The following SDK2 variants were observed in gnomAD, a reference collection of about 807,000 sequenced individuals.
SDK2 encodes the protein sidekick cell adhesion molecule 2, also known as protein sidekick-2.
In SDK2, 105 loss-of-function variants were observed where a neutral mutation model predicts 253.9. That is an observed-to-expected ratio of 0.41 (90% CI 0.35 to 0.49). The LOEUF (loss-of-function observed/expected upper bound fraction) is 0.49, where lower values mean the gene tolerates loss of function less well. Among genes scored for constraint, SDK2 ranks in the 20% least tolerant of loss-of-function variants. The pLI is 0.06. For missense variants in SDK2, 2,608 were observed against 3,003.0 expected (o/e 0.87, Z 3.07); for synonymous variants, 1,249 against 1,234.9 (o/e 1.01, Z -0.24).
chr17:73,503,525 T>C (rs951298631), intron 2 of SDK2, among the ~76,000 whole-genome samples: 5 of 152,152 alleles, frequency 3.3e-5, no homozygotes, highest in African/African-American at 9.7e-5. Flanking sequence ...TGATGGTACA[T>C]GTATGCAGGT....
intron 12 of SDK2, among the ~76,000 whole-genome samples, chr17:73,427,703 A>C (rs1051239896): frequency 1.3e-5 from 2 of 151,898 alleles, no homozygotes; most frequent in Admixed American, 6.6e-5. Flanking sequence ...AATTAACTCA[A>C]ATTGGATCCC....
intron 39 of SDK2, among the ~76,000 whole-genome samples, chr17:73,360,178 G>T (rs1170878041): frequency 6.6e-6 from 1 of 152,204 alleles, no homozygotes; most frequent in African/African-American, 2.4e-5. Context: ...GAGGCAGCGC[G>T]GGGCGGGGCT....
Position 73,365,415 on chromosome 17 carries a change from G to T in SDK2, c.5168-20C>A. 6.3e-7 allele frequency: 1 copy of T among 1,586,860 alleles called. No individual in the cohort carries two copies. Among genetic ancestry groups the T allele is most frequent in the Non-Finnish European group, 8.6e-7 (1 of 1,168,440 alleles). On this transcript the variant is annotated intron_variant, in intron 37 of 44. Transcript: ENST00000392650. ...TGGGGGCTGCGGGAGACAGCAAAGG[G>T]TTTTTGTTTCCTTCTTCTGTGGAAG...
At chr17:73,390,577 T>C (rs1278017318) in intron 28 of SDK2, 96 bp from the exon 29 acceptor site, 1 of 1,255,934 alleles carries the variant, frequency 8.0e-7, no homozygotes, top group Non-Finnish European at 1.1e-6. Context: ...CAGCTGTGTC[T>C]GTACATGGCC....
intron 1 of SDK2, among the ~76,000 whole-genome samples, chr17:73,617,603 G>T (rs547694277): frequency 3.3e-5 from 5 of 152,252 alleles, no homozygotes; most frequent in Admixed American, 3.3e-4. Flanking sequence ...TACGAAGGGG[G>T]CGTCCCAGCT....
intron 1 of SDK2, among the ~76,000 whole-genome samples, chr17:73,588,768 G>C (rs906491280): frequency 3.9e-5 from 6 of 152,256 alleles, no homozygotes; most frequent in Non-Finnish European, 5.9e-5. Context: ...AAGTCTCGCT[G>C]TGCCTAGGGC....
intron 2 of SDK2, among the ~76,000 whole-genome samples, chr17:73,504,721 A>C (rs1599629771): frequency 4.0e-5 from 1 of 24,810 alleles, no homozygotes; most frequent in Admixed American, 3.2e-4. Context: ...CCTGCAGGAG[A>C]AAAAAAAGTT....
intron 1 of SDK2, among the ~76,000 whole-genome samples, chr17:73,584,812 C>A (rs1261966061): frequency 6.6e-6 from 1 of 152,244 alleles, no homozygotes; most frequent in African/African-American, 2.4e-5. Context: ...CTGCAGGGTT[C>A]CCCTGCCTCT....
intron 2 of SDK2, among the ~76,000 whole-genome samples, chr17:73,501,668 C>A (rs2063892180): frequency 6.6e-6 from 1 of 152,182 alleles, no homozygotes; most frequent in Non-Finnish European, 1.5e-5. Context: ...CCCCAGGTGG[C>A]CACTCAGAGG....
At position 73,338,250 on chromosome 17, in the gene SDK2, TC is replaced by T. The variant is rs1326342994; in HGVS notation, c.*336del. 8 of 456,596 alleles carry T rather than the reference TC, an allele frequency of 1.8e-5. No individual in the cohort carries two copies. The highest frequency in any genetic ancestry group is 2.5e-5 in the Non-Finnish European group (6 of 237,408). 28.3% of individuals were successfully genotyped at this position (456,596 alleles called of 1,614,324 possible). ...GCCACGCCTGCCTGGCGGCCTCCAG[TC>T]CTTAGCCTCCGCTCCCTCTCTCTCT... On this transcript the variant is annotated 3_prime_UTR_variant, in exon 45 of 45. Transcript: ENST00000392650. This position sits in a 1 kb window ranked among gnomAD's most constrained non-coding sequence, Gnocchi z 5.0.
intron 1 of SDK2, among the ~76,000 whole-genome samples, chr17:73,633,020 C>T (rs1459713242): frequency 1.3e-5 from 2 of 152,156 alleles, no homozygotes; most frequent in African/African-American, 4.8e-5. Flanking sequence ...TGGTGGCTCA[C>T]ACCTGAAACC....
At chr17:73,410,952 C>G (rs865988212) in intron 18 of SDK2, among the ~76,000 whole-genome samples, 14 of 152,208 alleles carry the variant, frequency 9.2e-5, no homozygotes, top group African/African-American at 3.4e-4. Flanking sequence ...AAGTTTGTAG[C>G]TCAGCCCTCC....
chr17:73,401,122 C>T lies in SDK2; in HGVS notation c.2869G>A (p.Gly957Ser), dbSNP rs959894011. The part of the protein sequence containing the change: ...PNVTLEYRVT[G>S]LTALTTYTIE... ...GTGTAGGTGGTGAGCGCGGTGAGGC[C>T]CGTGACACGGTACTCCAGGGTCACG... Residue 957 changes from glycine to serine, a missense_variant, in exon 21 of 45, where the codon GGC (glycine) becomes AGC (serine). Around this residue, in one of 2 missense-constraint regions of SDK2, gnomAD observed 1,505 missense variants for 1,859.1 expected, o/e 0.81. Coordinates refer to ENST00000392650, the MANE Select transcript of SDK2 (RefSeq NM_001144952.2). 1.3e-6 allele frequency: 2 copies of T among 1,563,006 alleles called. No homozygotes were observed. Among genetic ancestry groups the T allele is most frequent in the South Asian group, 1.2e-5 (1 of 84,670 alleles).
At chr17:73,516,904 A>G (rs2064033829) in intron 1 of SDK2, 1 of 152,234 alleles carries the variant, frequency 6.6e-6, no homozygotes. Flanking sequence ...CAGGGCAGCT[A>G]GTGCAACTGA....
At chr17:73,368,330 C>A in intron 37 of SDK2, 77 bp downstream of exon 37, 1 of 1,290,828 alleles carries the variant, frequency 7.7e-7, no homozygotes, top group South Asian at 1.8e-5. Flanking sequence ...CTGCCAAGAG[C>A]CCGGATGCCA....
chr17:73,435,478 C>A lies in SDK2; in HGVS notation c.1167G>T (p.Val389=). Residue 389 remains valine, a synonymous_variant, in exon 9 of 45, where the codon GTG becomes GTT. Coordinates refer to ENST00000392650, the MANE Select transcript of SDK2 (RefSeq NM_001144952.2). This position sits in a 1 kb window ranked among gnomAD's most constrained non-coding sequence, Gnocchi z 5.7. ...QCFARNAAGE[V]QTSTYLAVTS... is the part of the protein sequence containing the mutation. ...TGACAGCCAGGTAGGTGGAAGTTTG[C>A]ACCTCGCCGGCTGCATTGCGGGCGA... 1 of 1,597,158 alleles carries A rather than the reference C, an allele frequency of 6.3e-7. No individual in the cohort carries two copies. The highest frequency in any genetic ancestry group is 1.7e-5 in the Admixed American group (1 of 57,926).
intron 1 of SDK2, among the ~76,000 whole-genome samples, chr17:73,591,931 G>A (rs925756879): frequency 3.3e-5 from 5 of 152,118 alleles, no homozygotes; most frequent in South Asian, 4.1e-4. Flanking sequence ...GCGGAGACTC[G>A]AGGAGAGATA....
At chr17:73,544,378 G>A (rs2044922063) in intron 1 of SDK2, among the ~76,000 whole-genome samples, 1 of 152,212 alleles carries the variant, frequency 6.6e-6, no homozygotes, top group African/African-American at 2.4e-5. Context: ...CACCCGCACT[G>A]AGCTCCGTGA....
chr17:73,450,005 T>C (rs549305526), intron 4 of SDK2, among the ~76,000 whole-genome samples: 10 of 152,172 alleles, frequency 6.6e-5, no homozygotes, highest in African/African-American at 2.4e-4. Flanking sequence ...AATGAGGCAA[T>C]AGGAGGTGGG....
Sources: allele counts gnomAD v4.1 joint callset (sites outside exome capture counted in the v4.1 genomes callset), GRCh38; gene constraint gnomAD v4.1.1; regional missense constraint gnomAD v4.1.1; non-coding constraint Gnocchi (gnomAD v3.1); transcripts MANE v1.5; gene names NCBI Gene and HGNC (gene_info 2026-07-23, HGNC 2026-07-21).